The following BABAM2 variants were observed in gnomAD, a reference collection of about 807,000 sequenced individuals.
BABAM2 encodes the protein BRISC and BRCA1 A complex member 2, also known as BRISC and BRCA1-A complex member 2.
A neutral mutation model predicts 54.7 loss-of-function variants in BABAM2; 31 were observed. The observed-to-expected ratio is 0.57, with a 90% CI of 0.43 to 0.77. The LOEUF (loss-of-function observed/expected upper bound fraction) is 0.77. BABAM2 is among the 30% of genes least tolerant of loss of function. The pLI, the probability that BABAM2 is intolerant of heterozygous loss-of-function variation, is 0.00. For synonymous variants in BABAM2, 167 were observed against 162.9 expected, an observed-to-expected ratio of 1.03 and a Z score of -0.19; for missense variants, 364 against 455.8, an observed-to-expected ratio of 0.80 and a Z score of 1.83.
At chr2:27,980,331 A>G (rs898057663) in intron 3 of BABAM2, among the ~76,000 whole-genome samples, 3 of 152,100 alleles carry the variant, frequency 2.0e-5, no homozygotes, top group Admixed American at 2.0e-4. Flanking sequence ...AGGAAATGTG[A>G]TGTTATTGCT....
intron 3 of BABAM2, among the ~76,000 whole-genome samples, chr2:27,930,791 A>G (rs572157340): frequency 6.6e-6 from 1 of 152,156 alleles, no homozygotes; most frequent in Admixed American, 6.6e-5. Context: ...CCAATACTGA[A>G]CCTCTAGCCT....
At chr2:27,892,266 C>T (rs1664921803) in intron 1 of BABAM2, 1 of 152,052 alleles carries the variant, frequency 6.6e-6, no homozygotes, top group Admixed American at 6.5e-5. Flanking sequence ...TTATTGTTCT[C>T]AGGGAACAGA....
intron 10 of BABAM2, among the ~76,000 whole-genome samples, chr2:28,250,621 A>G (rs1227126134): frequency 3.1e-5 from 4 of 130,880 alleles, no homozygotes; most frequent in South Asian, 2.4e-4. Context: ...TGTTTTTGAG[A>G]CGGGGTCTCG....
At chr2:28,114,495 A>T (rs1668426322) in intron 6 of BABAM2, among the ~76,000 whole-genome samples, 1 of 152,180 alleles carries the variant, frequency 6.6e-6, no homozygotes, top group Admixed American at 6.5e-5. Flanking sequence ...CTCCTATTGA[A>T]GAAGAAGGAA....
At chr2:28,269,811 A>T (rs1231532080) in intron 10 of BABAM2, among the ~76,000 whole-genome samples, 4 of 152,122 alleles carry the variant, frequency 2.6e-5, no homozygotes, top group African/African-American at 9.7e-5. Flanking sequence ...AGGCTATTCA[A>T]TAGAAATAAT....
chr2:27,975,682 A>C (rs1349014615), intron 3 of BABAM2, among the ~76,000 whole-genome samples: 3 of 152,090 alleles, frequency 2.0e-5, no homozygotes, highest in African/African-American at 7.2e-5. Context: ...ATAATCCATA[A>C]AAGAAAAAAG....
At chr2:28,303,482 CAATT>C (rs913579180) in intron 11 of BABAM2, among the ~76,000 whole-genome samples, 3 of 152,158 alleles carry the variant, frequency 2.0e-5, no homozygotes, top group African/African-American at 7.2e-5. Context: ...TGTCAAAAGT[CAATT>C]AACCACATGT....
At chr2:27,949,875 T>C (rs559805053) in intron 3 of BABAM2, among the ~76,000 whole-genome samples, 2 of 152,356 alleles carry the variant, frequency 1.3e-5, no homozygotes, top group African/African-American at 4.8e-5. Context: ...TTGTTTTCAT[T>C]GTGCTGTTTT....
At chr2:28,070,837 A>G (rs1029792276) in intron 6 of BABAM2, among the ~76,000 whole-genome samples, 1 of 152,154 alleles carries the variant, frequency 6.6e-6, no homozygotes, top group Non-Finnish European at 1.5e-5. Context: ...TTTACTCTCA[A>G]GTAAAGTTAC....
intron 7 of BABAM2, among the ~76,000 whole-genome samples, chr2:28,201,976 C>T (rs1302332595): frequency 6.6e-6 from 1 of 152,076 alleles, no homozygotes; most frequent in East Asian, 1.9e-4. Context: ...TGGGATGAGC[C>T]ACGGGGCCCA....
At chr2:28,026,979 A>ATATAAAGATATAT in intron 5 of BABAM2, among the ~76,000 whole-genome samples, 1 of 96,582 alleles carries the variant, frequency 1.0e-5, no homozygotes, top group African/African-American at 5.1e-5. Context: ...TAAATATATA[A>ATATAAAGATATAT]ATATATATAA....
chr2:28,182,744 C>T (rs376778569), intron 7 of BABAM2, among the ~76,000 whole-genome samples: 4 of 152,188 alleles, frequency 2.6e-5, no homozygotes, highest in East Asian at 1.9e-4. Context: ...ACTTTAAAAA[C>T]GAATGTTGAC....
At chr2:28,049,916 C>T (rs1037271194) in intron 6 of BABAM2, among the ~76,000 whole-genome samples, 3 of 152,182 alleles carry the variant, frequency 2.0e-5, no homozygotes, top group Admixed American at 1.3e-4. Flanking sequence ...ATTGGCCAGC[C>T]GGCTACCTAC....
chr2:28,165,523 T>TG (rs1673562432), intron 7 of BABAM2, among the ~76,000 whole-genome samples: 1 of 141,986 alleles, frequency 7.0e-6, no homozygotes, highest in Admixed American at 7.6e-5. Flanking sequence ...TTTTTTTTTT[T>TG]CCTTGCTTTT....
chr2:27,926,646 C>T (rs1667727972), intron 2 of BABAM2, among the ~76,000 whole-genome samples: 4 of 152,066 alleles, frequency 2.6e-5, no homozygotes, highest in Admixed American at 2.6e-4. Context: ...TTCTTCTTCC[C>T]TCACTAGAAT....
intron 7 of BABAM2, among the ~76,000 whole-genome samples, chr2:28,158,434 A>G (rs1672756251): frequency 1.3e-5 from 2 of 152,266 alleles, no homozygotes; most frequent in Admixed American, 6.5e-5. Context: ...ACACTGTTGT[A>G]GTAATAAGGT....
intron 2 of BABAM2, among the ~76,000 whole-genome samples, chr2:27,920,838 A>G (rs374125397): frequency 2.6e-5 from 4 of 152,168 alleles, no homozygotes; most frequent in African/African-American, 7.2e-5. Flanking sequence ...TTTTTTCCAG[A>G]CAGTGTATCA....
At chr2:28,185,439 C>G (rs1676175936) in intron 7 of BABAM2, among the ~76,000 whole-genome samples, 1 of 152,176 alleles carries the variant, frequency 6.6e-6, no homozygotes, top group African/African-American at 2.4e-5. Context: ...CGTGGATGAT[C>G]CAGATTGCAC....
intron 3 of BABAM2, among the ~76,000 whole-genome samples, chr2:27,953,599 C>T (rs1669898342): frequency 6.6e-6 from 1 of 151,458 alleles, no homozygotes; most frequent in South Asian, 2.1e-4. Context: ...GCCCACACTT[C>T]TCTTTTGATA....
Sources: gnomAD v4.1 joint callset for allele counts (sites outside exome capture counted in the v4.1 genomes callset) on GRCh38, gnomAD v4.1.1 for gene constraint, MANE v1.5 for transcripts, NCBI Gene and HGNC (gene_info 2026-07-23, HGNC 2026-07-21) for gene names.